Variants in DSC1 observed in about 807,000 individuals in gnomAD.
DSC1 encodes the protein desmocollin 1, also known as desmocollin-1.
Under a neutral mutation model 98.8 loss-of-function variants are expected in DSC1, and 79 were observed. The observed-to-expected ratio is 0.80, with a 90% confidence interval of 0.67 to 0.96. The LOEUF (loss-of-function observed/expected upper bound fraction) is 0.96. Ranked by LOEUF, DSC1 falls within the 50% of genes least tolerant of loss-of-function variation. DSC1 has a pLI of 0.00. For missense variants in DSC1, 1,115 were observed against 1,075.9 expected, an observed-to-expected ratio of 1.04 and a Z score of -0.51; for synonymous variants, 405 against 372.1, an observed-to-expected ratio of 1.09 and a Z score of -1.02.
chr18:31,149,222 T>G lies in DSC1; in HGVS notation c.628-580A>C, dbSNP rs571547631. Among the ~76,000 whole-genome samples the G allele has an allele frequency of 1.9e-3, 296 of 152,274 alleles. 1 individual carries two copies. The highest frequency in any genetic ancestry group is 6.7e-3 in the African/African-American group (278 of 41,558). ...TGTCCTTTGCCTTTAAACTCCAAAT[T>G]ATTCCTACACCTTCCTTATGTGGTT... On this transcript the variant is annotated intron_variant, in intron 5 of 15. Transcript: ENST00000257198.
chr18:31,161,333 A>G (rs960644404), intron 1 of DSC1, among the ~76,000 whole-genome samples: 1 of 151,826 alleles, frequency 6.6e-6, no homozygotes, highest in African/African-American at 2.4e-5. Flanking sequence ...GCAGAGCATG[A>G]CTGTATATGT....
At chr18:31,140,596 GA>G (rs1988713301) in intron 9 of DSC1, among the ~76,000 whole-genome samples, 1 of 152,100 alleles carries the variant, frequency 6.6e-6, no homozygotes, top group Non-Finnish European at 1.5e-5. Flanking sequence ...ATAAGTGTAT[GA>G]AAAAATTCAA....
chr18:31,162,760 G>A lies in DSC1; in HGVS notation c.-166C>T. ...TCCGGAGGCAAGTGATAAACAGTAG[G>A]AGGAGCAACGGGAGAATTTCTTTCC... On this transcript the variant is annotated 5_prime_UTR_variant, in exon 1 of 16. Coordinates refer to ENST00000257198, the MANE Select transcript of DSC1 (RefSeq NM_024421.2). 1 of 599,836 alleles carries A rather than the reference G, an allele frequency of 1.7e-6. No homozygotes were observed. Among genetic ancestry groups the A allele is most frequent in the Non-Finnish European group, 3.0e-6 (1 of 333,052 alleles). The allele number at this position is 599,836 out of a possible 1,614,324, so 37.2% of individuals were successfully genotyped here.
At chr18:31,150,852 G>C (rs1988989040) in intron 5 of DSC1, 1 of 152,122 alleles carries the variant, frequency 6.6e-6, no homozygotes, top group East Asian at 1.9e-4. Context: ...GTGTATCCTA[G>C]AAGTACCTGA....
chr18:31,157,325 C>A lies in DSC1; in HGVS notation c.351+46G>T, dbSNP rs141395396. ...AAACACATGAAACACGAAGGACTCCCGTAAGCATATTACTGTGCTAGGCTG... is the reference window on the plus strand; with the variant it reads ...AAACACATGAAACACGAAGGACTCCAGTAAGCATATTACTGTGCTAGGCTG... On this transcript the variant is annotated intron_variant, in intron 3 of 15. Transcript: ENST00000257198. 3,074 of 1,578,688 alleles carry A rather than the reference C, an allele frequency of 1.9e-3. 55 individuals carry two copies. In the African/African-American group the frequency reaches 0.036, roughly 19 times the overall value.
At chr18:31,140,380 G>T in intron 9 of DSC1, 79 bp from the exon 10 acceptor site, 2 of 1,397,574 alleles carry the variant, frequency 1.4e-6, no homozygotes, top group Non-Finnish European at 1.9e-6. Context: ...TCCTACAAAG[G>T]AATATCATTT....
intron 4 of DSC1, among the ~76,000 whole-genome samples, chr18:31,155,352 G>A (rs1233697976): frequency 2.6e-5 from 4 of 152,180 alleles, no homozygotes; most frequent in African/African-American, 4.8e-5. Context: ...AATTTTGGCC[G>A]GGCGCAGTGG....
At chr18:31,136,692 A>G (rs947157311) in intron 11 of DSC1, among the ~76,000 whole-genome samples, 1 of 152,216 alleles carries the variant, frequency 6.6e-6, no homozygotes, top group Admixed American at 6.5e-5. Context: ...GCTAAAAAAT[A>G]TATGTTGCAA....
intron 6 of DSC1, among the ~76,000 whole-genome samples, 175 bp from the exon 7 acceptor site, chr18:31,145,952 C>A (rs536289363): frequency 6.6e-6 from 1 of 152,208 alleles, no homozygotes; most frequent in Non-Finnish European, 1.5e-5. Context: ...CTCCCTTACT[C>A]GGGAACTTCA....
At chr18:31,135,242 A>G (rs1988585843) in intron 11 of DSC1, among the ~76,000 whole-genome samples, 1 of 152,060 alleles carries the variant, frequency 6.6e-6, no homozygotes, top group Admixed American at 6.6e-5. Context: ...GCTTTGTAGC[A>G]TTCGGTTGCC....
intron 9 of DSC1, among the ~76,000 whole-genome samples, chr18:31,140,713 T>C (rs1988716467): frequency 6.6e-6 from 1 of 152,252 alleles, no homozygotes; most frequent in Admixed American, 6.5e-5. Context: ...CAGCAGTTAC[T>C]CTATGCCTGA....
intron 13 of DSC1, among the ~76,000 whole-genome samples, chr18:31,133,002 C>A (rs2144913890): frequency 6.6e-6 from 1 of 152,152 alleles, no homozygotes; most frequent in South Asian, 2.1e-4. Flanking sequence ...ACAGAACACA[C>A]TTAAAGGGCT....
chr18:31,139,758 T>A lies in DSC1; in HGVS notation c.1653A>T (p.Ala551=), dbSNP rs1391728530. The part of the protein sequence containing the change: ...KNNQYNISVV[A]VDAVGRSCTG... ...GAAAATGGCACTCACCTGCATCCAC[T>A]GCAACAACTGAAATATTGTATTGGT... Residue 551 remains alanine, a synonymous_variant, in exon 11 of 16, where the codon GCA becomes GCT. Coordinates refer to ENST00000257198, the MANE Select transcript of DSC1 (RefSeq NM_024421.2). 6.2e-7 allele frequency: 1 copy of A among 1,600,642 alleles called. No individual in the cohort carries two copies. Among genetic ancestry groups the A allele is most frequent in the Non-Finnish European group, 8.5e-7 (1 of 1,175,324 alleles).
At chr18:31,156,939 T>C (rs540681097) in intron 3 of DSC1, among the ~76,000 whole-genome samples, 1 of 152,192 alleles carries the variant, frequency 6.6e-6, no homozygotes, top group Non-Finnish European at 1.5e-5. Flanking sequence ...AAGATGGGAG[T>C]AAGCTTTAAA....
intron 9 of DSC1, 74 bp from the exon 10 acceptor site, chr18:31,140,375 C>A (rs1988708839): frequency 7.0e-7 from 1 of 1,419,734 alleles, no homozygotes. Flanking sequence ...AATTTTCCTA[C>A]AAAGGAATAT....
chr18:31,137,235 A>G (rs1988631028), intron 11 of DSC1, among the ~76,000 whole-genome samples: 2 of 152,130 alleles, frequency 1.3e-5, no homozygotes, highest in Non-Finnish European at 2.9e-5. Context: ...TAATTTGTTC[A>G]TGTTCTTTTT....
rs762913267 is a variant in DSC1, at chr18:31,141,953, G to C, written c.1260+46C>G. On this transcript the variant is annotated intron_variant, in intron 9 of 15. Transcript: ENST00000257198. ...GAATTATCTCTTAAAATCAGTGCGTGAGTTAGGATATTTTAAAGCATAGCC... is the reference window on the plus strand; with the variant it reads ...GAATTATCTCTTAAAATCAGTGCGTCAGTTAGGATATTTTAAAGCATAGCC... 2.6e-6 allele frequency: 4 copies of C among 1,540,964 alleles called. No individual in the cohort carries two copies. In the South Asian group the frequency reaches 5.0e-5, roughly 19 times the overall value.
chr18:31,140,409 C>G (rs1988709898), intron 9 of DSC1, 108 bp from the exon 10 acceptor site: 2 of 1,239,988 alleles, frequency 1.6e-6, no homozygotes, highest in South Asian at 3.3e-5. Context: ...AAAATGTAAC[C>G]TAAAGTTAGG....
chr18:31,140,946 A>G (rs1260827873), intron 9 of DSC1, among the ~76,000 whole-genome samples: 1 of 152,146 alleles, frequency 6.6e-6, no homozygotes, highest in Non-Finnish European at 1.5e-5. Context: ...TTCTCGTGAT[A>G]GTGAATAAGT....
Sources: allele counts gnomAD v4.1 joint callset (sites outside exome capture counted in the v4.1 genomes callset), GRCh38; gene constraint gnomAD v4.1.1; transcripts MANE v1.5; gene names NCBI Gene and HGNC (gene_info 2026-07-23, HGNC 2026-07-21).